LHFPL6: variants seen among roughly 807,000 people sequenced by gnomAD.
The protein encoded by LHFPL6 is LHFPL tetraspan subfamily member 6.
LHFPL6 carries 9 observed loss-of-function variants against 20.6 expected under a neutral mutation model. The observed-to-expected ratio is 0.44, with a 90% CI of 0.26 to 0.76. The LOEUF (loss-of-function observed/expected upper bound fraction) is 0.76. LHFPL6 is among the 30% of genes least tolerant of loss of function. The pLI, the probability that LHFPL6 is intolerant of heterozygous loss-of-function variation, is 0.20. For synonymous variants in LHFPL6, 105 were observed against 98.7 expected (o/e 1.06, Z -0.38); for missense variants, 218 against 253.5 (o/e 0.86, Z 0.95).
intron 2 of LHFPL6, among the ~76,000 whole-genome samples, chr13:39,458,949 G>A (rs1203547492): frequency 6.6e-6 from 1 of 152,122 alleles, no homozygotes; most frequent in East Asian, 1.9e-4. Flanking sequence ...TCTATGAACT[G>A]TAACCTTCCT....
At chr13:39,517,572 C>T (rs1218263290) in intron 2 of LHFPL6, among the ~76,000 whole-genome samples, 1 of 152,192 alleles carries the variant, frequency 6.6e-6, no homozygotes, top group African/African-American at 2.4e-5. Context: ...TTCTGTCCAG[C>T]TTTCCTCAAC....
intron 2 of LHFPL6, among the ~76,000 whole-genome samples, chr13:39,534,967 C>T (rs549389231): frequency 4.1e-4 from 62 of 152,272 alleles, no homozygotes; most frequent in African/African-American, 1.5e-3. Context: ...AGTCTGAAAT[C>T]AGGATGTTGG....
rs1323940 is a variant in LHFPL6, at chr13:39,348,855, T to C, written c.485-4801A>G. On this transcript the variant is annotated intron_variant, in intron 3 of 3. Coordinates refer to ENST00000379589, the MANE Select transcript of LHFPL6 (RefSeq NM_005780.3). ...AAATCCTTGTCTTGCTCAGGTGTAA[T>C]TGTAATTTCTAGTCATTGTTATCTG... Among the ~76,000 whole-genome samples, 1,020 of 152,332 alleles carry C rather than the reference T, an allele frequency of 6.7e-3. 11 individuals carry two copies. Among genetic ancestry groups the C allele is most frequent in the African/African-American group, 0.023 (962 of 41,572 alleles).
chr13:39,523,472 G>A (rs1870181918), intron 2 of LHFPL6, among the ~76,000 whole-genome samples: 1 of 152,004 alleles, frequency 6.6e-6, no homozygotes, highest in African/African-American at 2.4e-5. Context: ...GGGAGGCTGA[G>A]GCAGGAGAAT....
chr13:39,478,030 G>A (rs1421045665), intron 2 of LHFPL6, among the ~76,000 whole-genome samples: 2 of 152,198 alleles, frequency 1.3e-5, no homozygotes, highest in Non-Finnish European at 2.9e-5. Context: ...CCAGTTTTGA[G>A]AAGAATTAAA....
chr13:39,543,931 C>T (rs9315702), intron 2 of LHFPL6, among the ~76,000 whole-genome samples: 1 of 151,994 alleles, frequency 6.6e-6, no homozygotes, highest in Non-Finnish European at 1.5e-5. Context: ...AAAAGTCTTG[C>T]GATTATGAAA....
chr13:39,404,825 A>G (rs1400498147), intron 2 of LHFPL6, among the ~76,000 whole-genome samples: 1 of 152,186 alleles, frequency 6.6e-6, no homozygotes, highest in Non-Finnish European at 1.5e-5. Context: ...CTGTTTTATT[A>G]TCACAGCATC....
At chr13:39,458,130 A>G (rs532619350) in intron 2 of LHFPL6, among the ~76,000 whole-genome samples, 3 of 152,186 alleles carry the variant, frequency 2.0e-5, no homozygotes, top group Non-Finnish European at 4.4e-5. Flanking sequence ...CAGATTTCCA[A>G]TGACAGTTTG....
At chr13:39,496,813 T>C (rs1869116210) in intron 2 of LHFPL6, among the ~76,000 whole-genome samples, 1 of 152,178 alleles carries the variant, frequency 6.6e-6, no homozygotes, top group African/African-American at 2.4e-5. Flanking sequence ...GCCAGAGGCA[T>C]TTCCAATGAC....
At chr13:39,515,530 G>A (rs1358728356) in intron 2 of LHFPL6, among the ~76,000 whole-genome samples, 1 of 152,082 alleles carries the variant, frequency 6.6e-6, no homozygotes, top group African/African-American at 2.4e-5. Context: ...CTCCTTCCTG[G>A]GGATTTCTCT....
intron 2 of LHFPL6, among the ~76,000 whole-genome samples, chr13:39,597,265 T>G (rs1872798208): frequency 6.6e-6 from 1 of 152,260 alleles, no homozygotes; most frequent in African/African-American, 2.4e-5. Flanking sequence ...AGATGAAATG[T>G]ACACATTCAG....
At chr13:39,451,400 CTT>C (rs1290711274) in intron 2 of LHFPL6, among the ~76,000 whole-genome samples, 2 of 152,156 alleles carry the variant, frequency 1.3e-5, no homozygotes, top group Non-Finnish European at 2.9e-5. Flanking sequence ...TGGGAATATG[CTT>C]TGTGATTTCA....
At chr13:39,518,253 T>C (rs1010169410) in intron 2 of LHFPL6, among the ~76,000 whole-genome samples, 2 of 152,160 alleles carry the variant, frequency 1.3e-5, no homozygotes, top group South Asian at 2.1e-4. Context: ...CTATTAATAA[T>C]AATAATGCAA....
At chr13:39,348,326 G>T (rs1199528473) in intron 3 of LHFPL6, among the ~76,000 whole-genome samples, 1 of 152,146 alleles carries the variant, frequency 6.6e-6, no homozygotes, top group Non-Finnish European at 1.5e-5. Context: ...TGAGTGACTG[G>T]CATTACTCTG....
chr13:39,357,417 A>G (rs1465563060), intron 3 of LHFPL6, among the ~76,000 whole-genome samples: 1 of 152,218 alleles, frequency 6.6e-6, no homozygotes, highest in African/African-American at 2.4e-5. Flanking sequence ...ACCTAGAAGC[A>G]TTCCCCTTGA....
intron 2 of LHFPL6, among the ~76,000 whole-genome samples, chr13:39,562,381 T>C (rs201266230): frequency 9.6e-5 from 11 of 114,504 alleles, no homozygotes; most frequent in South Asian, 2.9e-4. Flanking sequence ...TATACATATA[T>C]ACATATACAT....
intron 2 of LHFPL6, among the ~76,000 whole-genome samples, chr13:39,434,019 A>G (rs370266373): frequency 1.3e-5 from 2 of 152,142 alleles, no homozygotes; most frequent in African/African-American, 2.4e-5. Context: ...AGACTCTTGT[A>G]TCAGGCTTTT....
intron 2 of LHFPL6, among the ~76,000 whole-genome samples, chr13:39,557,595 A>T (rs1871344481): frequency 6.6e-6 from 1 of 152,262 alleles, no homozygotes; most frequent in African/African-American, 2.4e-5. Context: ...CTACTAAAAA[A>T]GGATGATTGT....
intron 2 of LHFPL6, among the ~76,000 whole-genome samples, chr13:39,489,691 T>C (rs771101920): frequency 1.3e-4 from 20 of 151,948 alleles, no homozygotes; most frequent in African/African-American, 7.3e-5. Context: ...TAGCTGGGAC[T>C]ACAGGCACGC....
Sources: gnomAD v4.1 joint callset for allele counts (sites outside exome capture counted in the v4.1 genomes callset) on GRCh38, gnomAD v4.1.1 for gene constraint, MANE v1.5 for transcripts, NCBI Gene and HGNC (gene_info 2026-07-23, HGNC 2026-07-21) for gene names.